The following PTPRG variants were observed in gnomAD, a reference collection of about 807,000 sequenced individuals.
The protein encoded by PTPRG is protein tyrosine phosphatase receptor type G, also known as receptor-type tyrosine-protein phosphatase gamma.
PTPRG carries 102 observed loss-of-function variants against 165.3 expected under a neutral mutation model. The observed-to-expected ratio is 0.62, with a 90% CI of 0.53 to 0.73. The LOEUF is 0.73. PTPRG is among the 30% of genes least tolerant of loss of function. The pLI, the probability that PTPRG is intolerant of heterozygous loss-of-function variation, is 0.00. For missense variants in PTPRG, 1,866 were observed against 1,861.4 expected, an observed-to-expected ratio of 1.00 and a Z score of -0.05; for synonymous variants, 675 against 669.5, an observed-to-expected ratio of 1.01 and a Z score of -0.13.
intron 1 of PTPRG, among the ~76,000 whole-genome samples, chr3:61,698,149 T>C (rs1399198501): frequency 6.6e-6 from 1 of 152,202 alleles, no homozygotes; most frequent in Non-Finnish European, 1.5e-5. Context: ...TCTATGCTTT[T>C]CTCTTGTTAA....
intron 7 of PTPRG, among the ~76,000 whole-genome samples, chr3:62,159,521 T>C (rs1229453740): frequency 6.6e-6 from 1 of 152,164 alleles, no homozygotes; most frequent in East Asian, 1.9e-4. Context: ...TTGGATGTTT[T>C]GCCAAGTGTT....
rs550463328 is a variant in PTPRG, at chr3:62,177,756, C to T, written c.1033+9593C>T. ...CTGTACCTAACTGACCCCTCCTCAG[C>T]CTTCATAACTCAGCGCAAGGGTCCC... On this transcript the variant is annotated intron_variant, in intron 8 of 29. Coordinates refer to ENST00000474889, the MANE Select transcript of PTPRG (RefSeq NM_002841.4). Among the ~76,000 whole-genome samples the T allele has an allele frequency of 5.3e-5, 8 of 152,284 alleles. No homozygotes were observed. The South Asian group carries it at 1.7e-3, about 32-fold the overall frequency.
At chr3:61,724,505 C>T (rs2106805144) in intron 1 of PTPRG, among the ~76,000 whole-genome samples, 1 of 152,146 alleles carries the variant, frequency 6.6e-6, no homozygotes, top group East Asian at 1.9e-4. Context: ...GGGATAGTCA[C>T]CCCAGAATAC....
At chr3:62,144,568 C>T (rs140134272) in intron 6 of PTPRG, among the ~76,000 whole-genome samples, 1 of 152,154 alleles carries the variant, frequency 6.6e-6, no homozygotes, top group Admixed American at 6.5e-5. Context: ...ATGGAACTTT[C>T]CTGAAATGTG....
At chr3:61,896,820 G>C (rs1022546698) in intron 2 of PTPRG, among the ~76,000 whole-genome samples, 3 of 152,096 alleles carry the variant, frequency 2.0e-5, no homozygotes, top group Non-Finnish European at 4.4e-5. Flanking sequence ...AATGGGTAAT[G>C]ATGTTGAACA....
intron 8 of PTPRG, among the ~76,000 whole-genome samples, chr3:62,191,212 G>T (rs549862900): frequency 3.7e-4 from 56 of 151,684 alleles, no homozygotes; most frequent in African/African-American, 1.1e-3. Context: ...TTTGTGTCCC[G>T]TGCACGTGTG....
chr3:61,601,184 A>C (rs2106847204), intron 1 of PTPRG, among the ~76,000 whole-genome samples: 1 of 152,314 alleles, frequency 6.6e-6, no homozygotes, highest in South Asian at 2.1e-4. Context: ...TGAACCCTGA[A>C]GGCGGAGGTT....
chr3:62,087,278 C>A (rs754826122), intron 5 of PTPRG, among the ~76,000 whole-genome samples: 1 of 152,124 alleles, frequency 6.6e-6, no homozygotes, highest in Non-Finnish European at 1.5e-5. Context: ...CTCAATCCAG[C>A]GACTTTGTTT....
At chr3:62,186,566 C>CTTT (rs1559620068) in intron 8 of PTPRG, among the ~76,000 whole-genome samples, 4 of 99,612 alleles carry the variant, frequency 4.0e-5, no homozygotes, top group African/African-American at 1.8e-4. Context: ...TTTTTCTTTT[C>CTTT]CTTTTTTTTT....
intron 3 of PTPRG, among the ~76,000 whole-genome samples, chr3:61,998,381 C>A (rs964919416): frequency 6.6e-6 from 1 of 152,190 alleles, no homozygotes; most frequent in African/African-American, 2.4e-5. Context: ...CAGTGCTATT[C>A]TATGATGTGT....
At chr3:61,927,003 T>C (rs1268449714) in intron 2 of PTPRG, among the ~76,000 whole-genome samples, 2 of 152,220 alleles carry the variant, frequency 1.3e-5, no homozygotes, top group Non-Finnish European at 2.9e-5. Context: ...GTCTTTATTT[T>C]GAAAATCATT....
chr3:61,641,113 A>C (rs1172713851), intron 1 of PTPRG, among the ~76,000 whole-genome samples: 1 of 151,958 alleles, frequency 6.6e-6, no homozygotes, highest in African/African-American at 2.4e-5. Flanking sequence ...TTGATCATCA[A>C]CTCCTTGGAG....
At chr3:61,840,966 G>C (rs2036614566) in intron 2 of PTPRG, among the ~76,000 whole-genome samples, 1 of 151,928 alleles carries the variant, frequency 6.6e-6, no homozygotes, top group Non-Finnish European at 1.5e-5. Flanking sequence ...ATTTTTAGTA[G>C]AGGTGGGGTT....
intron 2 of PTPRG, among the ~76,000 whole-genome samples, chr3:61,895,858 G>T (rs2038341050): frequency 1.3e-5 from 2 of 152,084 alleles, no homozygotes; most frequent in African/African-American, 4.8e-5. Context: ...CTATCAACCT[G>T]CACTTTTTAA....
chr3:62,269,111 A>G lies in PTPRG; in HGVS notation c.2951A>G (p.Lys984Arg). 6.2e-7 allele frequency: 1 copy of G among 1,609,444 alleles called. No individual in the cohort carries two copies. Among genetic ancestry groups the G allele is most frequent in the South Asian group, 1.1e-5 (1 of 90,628 alleles). ...ATTATTGTCACGCTGAAGAGCACAA[A>G]AATACATGCCTGCTACACTGTTCGT... ...GNIIVTLKST[K>R]IHACYTVRRF... Residue 984 changes from lysine to arginine, a missense_variant, in exon 20 of 30, where the codon AAA becomes AGA. Transcript: ENST00000474889.
At chr3:61,936,380 ACTCATG>A (rs2039485335) in intron 2 of PTPRG, among the ~76,000 whole-genome samples, 1 of 152,112 alleles carries the variant, frequency 6.6e-6, no homozygotes, top group Non-Finnish European at 1.5e-5. Flanking sequence ...TGAATCCAGA[ACTCATG>A]CTCTTGAGTA....
intron 14 of PTPRG, among the ~76,000 whole-genome samples, chr3:62,232,970 C>T (rs1011536698): frequency 6.6e-6 from 1 of 152,264 alleles, no homozygotes; most frequent in East Asian, 1.9e-4. Context: ...CCCATAGGGC[C>T]TTAGTTTCCT....
chr3:61,953,184 C>T (rs1211182200), intron 2 of PTPRG, among the ~76,000 whole-genome samples: 1 of 152,182 alleles, frequency 6.6e-6, no homozygotes, highest in Non-Finnish European at 1.5e-5. Context: ...AATTCTAGCT[C>T]CTGTTTCAGA....
chr3:61,807,259 C>G (rs975494674), intron 2 of PTPRG, among the ~76,000 whole-genome samples: 1 of 152,130 alleles, frequency 6.6e-6, no homozygotes, highest in South Asian at 2.1e-4. Context: ...AAAGGATTAC[C>G]ACTCTGAGAG....
Sources: allele counts gnomAD v4.1 joint callset (sites outside exome capture counted in the v4.1 genomes callset), GRCh38; gene constraint gnomAD v4.1.1; transcripts MANE v1.5; gene names NCBI Gene and HGNC (gene_info 2026-07-23, HGNC 2026-07-21).